The following SERPINB12 variants were observed in gnomAD, a reference collection of about 807,000 sequenced individuals.
The protein encoded by SERPINB12 is serpin B12.
In SERPINB12, 57 loss-of-function variants were observed where a neutral mutation model predicts 41.1. The ratio of observed to expected loss-of-function variants is 1.39; its 90% CI spans 1.12 to 1.73. The LOEUF is 1.73. SERPINB12 is among the 40% of genes most tolerant of loss of function. The pLI is 0.00. For synonymous variants in SERPINB12, 180 were observed against 181.3 expected, an observed-to-expected ratio of 0.99 and a Z score of 0.06; for missense variants, 536 against 501.9, an observed-to-expected ratio of 1.07 and a Z score of -0.65.
chr18:63,524,735 T>A, the SERPINB12 span, among the ~76,000 whole-genome samples: 1 of 151,840 alleles, frequency 6.6e-6, no homozygotes, highest in Non-Finnish European at 1.5e-5. Context: ...AATTTACTTT[T>A]TTTTTCTCTT....
chr18:63,564,637 G>A (rs1011332915), intron 6 of SERPINB12, among the ~76,000 whole-genome samples: 4 of 152,192 alleles, frequency 2.6e-5, no homozygotes, highest in African/African-American at 9.7e-5. Context: ...TGAGATTTAA[G>A]GTGCCTGGGG....
At chr18:63,534,406 A>G in the SERPINB12 span, among the ~76,000 whole-genome samples, 1 of 152,188 alleles carries the variant, frequency 6.6e-6, no homozygotes, top group East Asian at 1.9e-4. Context: ...TTGCTGCCTT[A>G]TTGTATTATT....
intron 3 of SERPINB12, among the ~76,000 whole-genome samples, chr18:63,559,040 T>TTCTTTCTTTC (rs1555675616): frequency 1.4e-4 from 4 of 27,752 alleles, no homozygotes; most frequent in African/African-American, 2.2e-4. Flanking sequence ...CTTTCTTTCT[T>TTCTTTCTTTC]TCTTTCTTTC....
intron 1 of SERPINB12, among the ~76,000 whole-genome samples, chr18:63,545,293 T>G (rs906535332): frequency 1.7e-4 from 26 of 152,220 alleles, no homozygotes; most frequent in African/African-American, 6.0e-4. Context: ...CCTAGTGTAA[T>G]TCTCTGGCAC....
the SERPINB12 span, among the ~76,000 whole-genome samples, chr18:63,534,349 TG>T: frequency 2.0e-5 from 3 of 152,190 alleles, no homozygotes; most frequent in Non-Finnish European, 1.5e-5. Context: ...TGGGTACTTG[TG>T]GGGAGTTACT....
chr18:63,565,308 G>T (rs1911057386), intron 6 of SERPINB12, 137 bp from the exon 7 acceptor site: 1 of 716,416 alleles, frequency 1.4e-6, no homozygotes, highest in Non-Finnish European at 2.3e-6. Flanking sequence ...TTGTAGGCTG[G>T]ATCCCTGGTG....
intron 5 of SERPINB12, among the ~76,000 whole-genome samples, chr18:63,562,610 A>C (rs1910950728): frequency 6.6e-6 from 1 of 152,148 alleles, no homozygotes; most frequent in African/African-American, 2.4e-5. Context: ...CCTTGGGAGA[A>C]GTCTCTAAAT....
chr18:63,531,927 A>G, the SERPINB12 span, among the ~76,000 whole-genome samples: 8 of 152,202 alleles, frequency 5.3e-5, no homozygotes, highest in African/African-American at 1.7e-4. Context: ...TTTAGGGATG[A>G]CTGTTACTTC....
Position 63,567,014 on chromosome 18 carries a change from G to T in SERPINB12, c.*3G>T. ...ATGGCAGGGTCTGCTCTCCTTAAAA[G>T]GGGAGCAGTGTCTAGTACTTTGGAG... is the stretch of plus-strand genomic sequence containing the variant. On this transcript the variant is annotated 3_prime_UTR_variant, in exon 8 of 8. Coordinates refer to ENST00000382768, the MANE Select transcript of SERPINB12 (RefSeq NM_001307928.2). The T allele has an allele frequency of 6.4e-7, 1 of 1,569,070 alleles. No homozygotes were observed. The highest frequency in any genetic ancestry group is 8.6e-7 in the Non-Finnish European group (1 of 1,161,642).
chr18:63,532,091 T>C, the SERPINB12 span, among the ~76,000 whole-genome samples: 3 of 152,228 alleles, frequency 2.0e-5, no homozygotes, highest in African/African-American at 7.2e-5. Flanking sequence ...CAAGACCACT[T>C]GGACTCTAGC....
chr18:63,563,815 GA>G (rs1314006963), intron 5 of SERPINB12, among the ~76,000 whole-genome samples, 162 bp from the exon 6 acceptor site: 1 of 151,616 alleles, frequency 6.6e-6, no homozygotes, highest in African/African-American at 2.4e-5. Flanking sequence ...AGAATCGCTT[GA>G]ACCCAGAAGG....
At chr18:63,555,374 T>G (rs982563103) in intron 1 of SERPINB12, among the ~76,000 whole-genome samples, 3 of 152,132 alleles carry the variant, frequency 2.0e-5, no homozygotes, top group Admixed American at 6.5e-5. Context: ...AGCCACAATC[T>G]GTGGAGAAGA....
At chr18:63,557,343 G>A (rs11876912) in intron 2 of SERPINB12, among the ~76,000 whole-genome samples, 6,246 of 152,116 alleles carry the variant, frequency 0.041, 438 homozygotes, top group African/African-American at 0.14. Context: ...CTGACCTCCA[G>A]ACCATAAGGG....
chr18:63,537,259 G>C, the SERPINB12 span, among the ~76,000 whole-genome samples: 1 of 152,172 alleles, frequency 6.6e-6, no homozygotes, highest in Non-Finnish European at 1.5e-5. Flanking sequence ...GGCACCAGGT[G>C]CACTCTGTGT....
intron 2 of SERPINB12, 27 bp from the exon 3 acceptor site, chr18:63,558,325 G>A: frequency 6.3e-7 from 1 of 1,599,774 alleles, no homozygotes; most frequent in Non-Finnish European, 8.5e-7. Context: ...CATATTATCT[G>A]AAAGACCCCA....
rs182312283 is a variant in SERPINB12 at position 63,567,236 on chromosome 18, T to A, written c.*225T>A. Among the ~76,000 whole-genome samples, 1 of 152,166 alleles carries A rather than the reference T, an allele frequency of 6.6e-6. No homozygotes were observed. ...GTTCTCTACCCTAAACTTTCAAGCA[T>A]ATAAATTCACCCTCTGTGACCTGAA... On this transcript the variant is annotated 3_prime_UTR_variant, in exon 8 of 8. Transcript: ENST00000382768.
Position 63,566,910 on chromosome 18 carries a change from C to T in SERPINB12, c.1177C>T (p.Arg393Ter), listed in dbSNP as rs141703214. ...GGCTGTTGTCTCGGAAAGGTCACTA[C>T]GATCTTGGGTGGAGTTTAATGCCAA... Reference protein sequence around the residue: ...TGAVVSERSLRSWVEFNANHP... With the variant: ...TGAVVSERSL The change falls in exon 8 of 8, where the codon CGA becomes TGA. Residue 393 changes from arginine to a stop codon, truncating the protein, a stop_gained. Transcript: ENST00000382768. LOFTEE classifies it high-confidence loss of function. 83 of 1,614,144 alleles carry T rather than the reference C, an allele frequency of 5.1e-5. No homozygotes were observed. The highest frequency in any genetic ancestry group is 4.3e-4 in the South Asian group (39 of 91,076).
At chr18:63,523,480 G>T in the SERPINB12 span, among the ~76,000 whole-genome samples, 3 of 152,196 alleles carry the variant, frequency 2.0e-5, no homozygotes, top group Non-Finnish European at 2.9e-5. Flanking sequence ...ATGAAAAGGT[G>T]CTTGAATTCA....
the SERPINB12 span, among the ~76,000 whole-genome samples, chr18:63,526,699 C>G: frequency 3.3e-5 from 5 of 152,118 alleles, no homozygotes. Flanking sequence ...AAGTATTTTA[C>G]CATGTTTTCA....
Sources: gnomAD v4.1 joint callset for allele counts (sites outside exome capture counted in the v4.1 genomes callset) on GRCh38, gnomAD v4.1.1 for gene constraint, MANE v1.5 for transcripts, NCBI Gene and HGNC (gene_info 2026-07-23, HGNC 2026-07-21) for gene names.